The following RGS10 variants were observed in gnomAD, a reference collection of about 807,000 sequenced individuals.
RGS10 encodes the protein regulator of G-protein signalling 10.
Under a neutral mutation model 23.5 loss-of-function variants are expected in RGS10, and 11 were observed. That is an observed-to-expected ratio of 0.47 (90% CI 0.29 to 0.77). RGS10 has a LOEUF of 0.77. Ranked by LOEUF, RGS10 falls within the 30% of genes least tolerant of loss-of-function variation. RGS10 has a pLI of 0.08. For synonymous variants in RGS10, 77 were observed against 83.2 expected (o/e 0.92, Z 0.41); for missense variants, 180 against 226.3 (o/e 0.80, Z 1.31).
chr10:119,515,394 C>T (rs1353338272), intron 4 of RGS10, 115 bp downstream of exon 4: 12 of 1,292,358 alleles, frequency 9.3e-6, no homozygotes, highest in Admixed American at 6.2e-5. Flanking sequence ...TCGGTCTGCC[C>T]GGCCGTATGA....
At chr10:119,521,083 G>T (rs1280567034) in intron 3 of RGS10, among the ~76,000 whole-genome samples, 1 of 152,124 alleles carries the variant, frequency 6.6e-6, no homozygotes, top group African/African-American at 2.4e-5. Flanking sequence ...GTGATGAAAA[G>T]ATCCTGACCA....
intron 3 of RGS10, among the ~76,000 whole-genome samples, chr10:119,523,476 C>A (rs927170341): frequency 6.6e-6 from 1 of 151,316 alleles, no homozygotes; most frequent in African/African-American, 2.4e-5. Context: ...ACCAGCCTGG[C>A]AAACATGGTG....
At chr10:119,515,346 G>A in intron 4 of RGS10, 163 bp downstream of exon 4, 1 of 763,968 alleles carries the variant, frequency 1.3e-6, no homozygotes, top group Non-Finnish European at 2.1e-6. Flanking sequence ...TTAGAATTCT[G>A]GTCCCCACTC....
intron 1 of RGS10, among the ~76,000 whole-genome samples, chr10:119,540,037 A>G (rs1589844745): frequency 6.6e-6 from 1 of 152,042 alleles, no homozygotes; most frequent in Non-Finnish European, 1.5e-5. Context: ...CACAGGCCCA[A>G]ATGACCCCTT....
chr10:119,530,254 A>G (rs1844319281), intron 1 of RGS10, among the ~76,000 whole-genome samples: 1 of 152,194 alleles, frequency 6.6e-6, no homozygotes, highest in South Asian at 2.1e-4. Flanking sequence ...GACTTACTTA[A>G]TAGTAACAGC....
chr10:119,535,517 C>A (rs1448002734), intron 1 of RGS10, among the ~76,000 whole-genome samples: 1 of 152,174 alleles, frequency 6.6e-6, no homozygotes, highest in African/African-American at 2.4e-5. Context: ...CTTCTCCAGA[C>A]ATTAATTCCT....
At chr10:119,512,141 G>A (rs890947400) in intron 4 of RGS10, among the ~76,000 whole-genome samples, 10 of 134,412 alleles carry the variant, frequency 7.4e-5, no homozygotes, top group African/African-American at 2.3e-4. Context: ...TGGTGATGAG[G>A]GGCTAAGTTC....
chr10:119,514,393 C>A (rs1053538881), intron 4 of RGS10, among the ~76,000 whole-genome samples: 3 of 151,308 alleles, frequency 2.0e-5, no homozygotes, highest in Non-Finnish European at 4.4e-5. Context: ...TGCAGTGGCT[C>A]ACGCCTGTAA....
intron 4 of RGS10, among the ~76,000 whole-genome samples, chr10:119,501,482 G>T (rs1207438139): frequency 6.6e-6 from 1 of 152,182 alleles, no homozygotes; most frequent in Non-Finnish European, 1.5e-5. Flanking sequence ...CAGCACTTTG[G>T]GAGGTGGAGG....
chr10:119,515,384 T>C (rs931839832), intron 4 of RGS10, 125 bp downstream of exon 4: 78 of 1,171,372 alleles, frequency 6.7e-5, no homozygotes, highest in Non-Finnish European at 9.4e-5. Context: ...TCAGTGTACC[T>C]CGGTCTGCCC....
Position 119,524,366 on chromosome 10 carries a change from G to A in RGS10, c.255+1666C>T, listed in dbSNP as rs773378818. Among the ~76,000 whole-genome samples, 12 of 152,088 alleles carry A rather than the reference G, an allele frequency of 7.9e-5. No individual in the cohort carries two copies. The highest frequency in any genetic ancestry group is 1.5e-4 in the Non-Finnish European group (10 of 68,012). ...TCAAGTCCTAGCTCTGCCACGGTGC[G>A]GGGACCTCACTTCCTTGTCTACACT... is the stretch of plus-strand genomic sequence containing the variant. On this transcript the variant is annotated intron_variant, in intron 3 of 4. Coordinates refer to ENST00000369103, the MANE Select transcript of RGS10 (RefSeq NM_001005339.2). This position sits in a 1 kb window ranked among gnomAD's most constrained non-coding sequence, Gnocchi z 5.2.
intron 4 of RGS10, among the ~76,000 whole-genome samples, chr10:119,514,656 TTA>T (rs1491470612): frequency 1.0e-4 from 4 of 39,258 alleles, no homozygotes; most frequent in African/African-American, 2.4e-4. Context: ...AGACTCGGTA[TTA>T]AAAAAAAAAA....
intron 4 of RGS10, among the ~76,000 whole-genome samples, chr10:119,512,693 G>A (rs377453027): frequency 1.3e-5 from 2 of 152,054 alleles, no homozygotes; most frequent in Non-Finnish European, 2.9e-5. Flanking sequence ...GATTATAGGC[G>A]CCCACCACCA....
At chr10:119,531,411 C>A (rs1381209082) in intron 1 of RGS10, among the ~76,000 whole-genome samples, 1 of 152,204 alleles carries the variant, frequency 6.6e-6, no homozygotes, top group Non-Finnish European at 1.5e-5. Flanking sequence ...TGGGTTTTCA[C>A]TGCCACGCTG....
At position 119,508,669 on chromosome 10, in the gene RGS10, T is replaced by C. The variant is rs142410056; in HGVS notation, c.399+6840A>G. On this transcript the variant is annotated intron_variant, in intron 4 of 4. Transcript: ENST00000369103. ...CAGCCTGAAAGGACCAATAACGTCA[T>C]CGATTTCCTGCTAAGAAGAGAGAAG... Among the ~76,000 whole-genome samples, 218 of 152,356 alleles carry C rather than the reference T, an allele frequency of 1.4e-3. 1 individual carries two copies. The highest frequency in any genetic ancestry group is 4.8e-3 in the African/African-American group (200 of 41,578).
At chr10:119,503,149 G>A (rs1255821419) in intron 4 of RGS10, among the ~76,000 whole-genome samples, 2 of 152,042 alleles carry the variant, frequency 1.3e-5, no homozygotes, top group Non-Finnish European at 1.5e-5. Flanking sequence ...AGGCTGAGGC[G>A]GGCGGATAGC....
chr10:119,506,256 G>A (rs1455849725), intron 4 of RGS10, among the ~76,000 whole-genome samples: 1 of 152,246 alleles, frequency 6.6e-6, no homozygotes, highest in Non-Finnish European at 1.5e-5. Flanking sequence ...CACCCAGGAG[G>A]AGGTCTGAGG....
At chr10:119,512,214 G>A (rs1462922887) in intron 4 of RGS10, among the ~76,000 whole-genome samples, 1 of 152,184 alleles carries the variant, frequency 6.6e-6, no homozygotes, top group African/African-American at 2.4e-5. Context: ...AAGCCCAGCA[G>A]TGCTCAGCAA....
intron 4 of RGS10, among the ~76,000 whole-genome samples, chr10:119,503,134 T>C (rs927374831): frequency 1.3e-5 from 2 of 151,886 alleles, no homozygotes; most frequent in Non-Finnish European, 2.9e-5. Flanking sequence ...CTCCAGCACT[T>C]TGGGAGGCTG....
Sources: allele counts gnomAD v4.1 joint callset (sites outside exome capture counted in the v4.1 genomes callset), GRCh38; gene constraint gnomAD v4.1.1; non-coding constraint Gnocchi (gnomAD v3.1); transcripts MANE v1.5; gene names NCBI Gene and HGNC (gene_info 2026-07-23, HGNC 2026-07-21).